Variants in BOC observed in about 807,000 individuals in gnomAD.
BOC encodes brother of CDO.
In BOC, 76 loss-of-function variants were observed where a neutral mutation model predicts 112.0. That is an observed-to-expected ratio of 0.68 (90% CI 0.56 to 0.82). The LOEUF is 0.82. Among genes scored for constraint, BOC ranks in the 40% least tolerant of loss-of-function variants. The pLI, the probability that BOC is intolerant of heterozygous loss-of-function variation, is 0.00. For synonymous variants in BOC, 580 were observed against 599.8 expected (o/e 0.97, Z 0.48); for missense variants, 1,309 against 1,511.7 (o/e 0.87, Z 2.22).
chr3:113,279,667 G>A (rs1949004512), intron 12 of BOC, 157 bp from the exon 13 acceptor site: 2 of 889,070 alleles, frequency 2.2e-6, no homozygotes, highest in Non-Finnish European at 3.4e-6. Flanking sequence ...CTGCAGCTCA[G>A]CTCTGACAGT....
chr3:113,286,160 A>G (rs1949669316), intron 19 of BOC, among the ~76,000 whole-genome samples: 2 of 152,144 alleles, frequency 1.3e-5, no homozygotes, highest in African/African-American at 4.8e-5. Flanking sequence ...AGTATCCACT[A>G]ACGTTTCTTA....
intron 4 of BOC, among the ~76,000 whole-genome samples, chr3:113,267,743 T>G (rs1220097625): frequency 6.6e-6 from 1 of 152,250 alleles, no homozygotes; most frequent in Non-Finnish European, 1.5e-5. Context: ...TTCTTTTTTT[T>G]TGAGACATAG....
At chr3:113,283,768 C>A in intron 16 of BOC, 136 bp downstream of exon 16, 1 of 786,220 alleles carries the variant, frequency 1.3e-6, no homozygotes, top group Non-Finnish European at 2.0e-6. Flanking sequence ...CAGAGAACAC[C>A]CAACGACTGG....
At position 113,277,973 on chromosome 3, in the gene BOC, C is replaced by G. The variant is rs780082235; in HGVS notation, c.1543-122C>G. ...GAGGCTGTGCCACCCTAACCCCAAC[C>G]TGGCTTATCGTCCTTCCCCTTCTCC... On this transcript the variant is annotated intron_variant, in intron 9 of 19. Transcript: ENST00000682979. 15 of 1,315,446 alleles carry G rather than the reference C, an allele frequency of 1.1e-5. No individual in the cohort carries two copies. In the African/African-American group the frequency reaches 1.9e-4, roughly 17 times the overall value. 81.5% of individuals were successfully genotyped at this position (1,315,446 alleles called of 1,614,324 possible). A position where few individuals can be genotyped will look rare whatever the true frequency, so the allele number is the denominator to read the frequency against.
chr3:113,279,203 G>C (rs376575204), intron 11 of BOC, 46 bp from the exon 12 acceptor site: 1 of 1,584,322 alleles, frequency 6.3e-7, no homozygotes, highest in South Asian at 1.1e-5. Context: ...CCTTCCTCAC[G>C]TCATCTCACC....
chr3:113,242,325 A>AT (rs998517380), intron 2 of BOC, among the ~76,000 whole-genome samples: 3 of 151,950 alleles, frequency 2.0e-5, no homozygotes, highest in African/African-American at 7.3e-5. Flanking sequence ...AGATTTGTAG[A>AT]TTTTTTTTGA....
At chr3:113,272,748 G>T (rs1227417691) in intron 7 of BOC, 45 bp downstream of exon 7, 1 of 1,597,936 alleles carries the variant, frequency 6.3e-7, no homozygotes, top group Non-Finnish European at 8.5e-7. Context: ...CTTCTCTCTG[G>T]TCTGTGCAGC....
At chr3:113,223,799 C>G (rs1941177632) in intron 2 of BOC, among the ~76,000 whole-genome samples, 1 of 152,202 alleles carries the variant, frequency 6.6e-6, no homozygotes, top group Non-Finnish European at 1.5e-5. Flanking sequence ...ACACTTCCAG[C>G]TGGGGAGCAG....
chr3:113,275,192 GT>G (rs1436650632), intron 9 of BOC, among the ~76,000 whole-genome samples: 1 of 152,266 alleles, frequency 6.6e-6, no homozygotes, highest in Non-Finnish European at 1.5e-5. Flanking sequence ...CACCCGCTCA[GT>G]TCTCAGAATC....
chr3:113,264,634 T>G (rs986491196), intron 4 of BOC, among the ~76,000 whole-genome samples: 1 of 152,136 alleles, frequency 6.6e-6, no homozygotes, highest in African/African-American at 2.4e-5. Flanking sequence ...CTCTTATTGA[T>G]CATGAACTCC....
Position 113,273,056 on chromosome 3 carries a change from G to T in BOC, c.962-13G>T. 1 of 1,588,814 alleles carries T rather than the reference G, an allele frequency of 6.3e-7. No homozygotes were observed. Among genetic ancestry groups the T allele is most frequent in the Non-Finnish European group, 8.6e-7 (1 of 1,160,526 alleles). Reference sequence around the variant, plus strand: ...GACACAGCCCTTCTCACCCTGCTCTGGTTTCCTGGCAGAACCCCCTGAGGT... The same window carrying T: ...GACACAGCCCTTCTCACCCTGCTCTTGTTTCCTGGCAGAACCCCCTGAGGT... On this transcript the variant is annotated splice_polypyrimidine_tract_variant and intron_variant, in intron 7 of 19. Transcript: ENST00000682979.
At chr3:113,277,332 C>T (rs1948762845) in intron 9 of BOC, among the ~76,000 whole-genome samples, 1 of 151,940 alleles carries the variant, frequency 6.6e-6, no homozygotes. Flanking sequence ...TGGTGAAATG[C>T]AGAGCTGAAG....
chr3:113,227,305 G>C (rs56258317), intron 2 of BOC, among the ~76,000 whole-genome samples: 3,934 of 152,302 alleles, frequency 0.026, 87 homozygotes, highest in Non-Finnish European at 0.039. Flanking sequence ...GGACCTCAAG[G>C]CCTCTGCGCA....
At chr3:113,277,663 A>G (rs1406788663) in intron 9 of BOC, among the ~76,000 whole-genome samples, 1 of 152,242 alleles carries the variant, frequency 6.6e-6, no homozygotes, top group East Asian at 1.9e-4. Flanking sequence ...TGCTATTTTA[A>G]TGGGTGCTGA....
chr3:113,244,750 T>A (rs1259481991), intron 2 of BOC, among the ~76,000 whole-genome samples: 2 of 152,176 alleles, frequency 1.3e-5, no homozygotes, highest in Non-Finnish European at 2.9e-5. Flanking sequence ...TAGATTAGAA[T>A]GTATGATGAA....
intron 2 of BOC, among the ~76,000 whole-genome samples, chr3:113,242,959 T>C (rs1944491492): frequency 6.6e-6 from 1 of 152,164 alleles, no homozygotes; most frequent in African/African-American, 2.4e-5. Context: ...TCAGCTTTGC[T>C]AATATTTAAT....
Position 113,274,561 on chromosome 3 carries a change from C to T in BOC, c.1421C>T (p.Ala474Val), listed in dbSNP as rs1414431275. The T allele has an allele frequency of 1.2e-6, 2 of 1,613,602 alleles. No homozygotes were observed. The highest frequency in any genetic ancestry group is 3.3e-5 in the Admixed American group (2 of 60,028). Reference protein sequence around the residue: ...GEKGQGAPAEAPIILSSPRTS... With the variant: ...GEKGQGAPAEVPIILSSPRTS... ...AAGGGGCAGGGGGCTCCCGCCGAGG[C>T]TCCCATCATCCTCAGCTCGCCCCGC... The change falls in exon 9 of 20, where the codon GCT becomes GTT. Residue 474 changes from alanine (A) to valine (V), a missense_variant. Coordinates refer to ENST00000682979, the MANE Select transcript of BOC (RefSeq NM_001378074.1). The surrounding 1 kb of genome is among the most constrained non-coding windows in gnomAD (Gnocchi z 4.8).
intron 2 of BOC, among the ~76,000 whole-genome samples, chr3:113,247,517 A>AG (rs1553731090): frequency 6.7e-6 from 1 of 149,124 alleles, no homozygotes; most frequent in Non-Finnish European, 1.5e-5. Context: ...AAAAAAAAAA[A>AG]GGGAAAAAGG....
intron 2 of BOC, among the ~76,000 whole-genome samples, chr3:113,220,713 TG>T (rs1940449633): frequency 6.6e-6 from 1 of 152,226 alleles, no homozygotes; most frequent in South Asian, 2.1e-4. Flanking sequence ...ATTTTGGTCG[TG>T]TTGTCAGAGA....
Sources: gnomAD v4.1 joint callset for allele counts (sites outside exome capture counted in the v4.1 genomes callset) on GRCh38, gnomAD v4.1.1 for gene constraint, Gnocchi (gnomAD v3.1) non-coding constraint, MANE v1.5 for transcripts, NCBI Gene and HGNC (gene_info 2026-07-23, HGNC 2026-07-21) for gene names.